MEF2A: variants seen among roughly 807,000 people sequenced by gnomAD.
The protein encoded by MEF2A is myocyte-specific enhancer factor 2A.
MEF2A carries 28 observed loss-of-function variants against 55.8 expected under a neutral mutation model. The ratio of observed to expected loss-of-function variants is 0.50; its 90% CI spans 0.37 to 0.69. MEF2A has a LOEUF of 0.69. MEF2A is among the 30% of genes least tolerant of loss of function. MEF2A has a pLI of 0.00. For missense variants in MEF2A, 528 were observed against 626.2 expected (o/e 0.84, Z 1.67); for synonymous variants, 239 against 227.1 (o/e 1.05, Z -0.47).
At chr15:99,602,566 C>T (rs909442803) in intron 2 of MEF2A, among the ~76,000 whole-genome samples, 2 of 152,098 alleles carry the variant, frequency 1.3e-5, no homozygotes, top group Admixed American at 6.5e-5. Flanking sequence ...CTGCCTTTCA[C>T]TGGCTTGGGC....
At chr15:99,633,491 CTG>C (rs893058495) in intron 3 of MEF2A, among the ~76,000 whole-genome samples, 18 of 152,020 alleles carry the variant, frequency 1.2e-4, no homozygotes, top group Non-Finnish European at 2.1e-4. Context: ...ATATATTTGA[CTG>C]TTAGTCTTTT....
chr15:99,617,308 G>C (rs1311438427), intron 2 of MEF2A, among the ~76,000 whole-genome samples: 1 of 142,830 alleles, frequency 7.0e-6, no homozygotes, highest in Non-Finnish European at 1.5e-5. Context: ...AGGTATCTTT[G>C]CTTTCTATTT....
At chr15:99,601,460 T>C (rs568019866) in intron 2 of MEF2A, among the ~76,000 whole-genome samples, 2 of 152,016 alleles carry the variant, frequency 1.3e-5, no homozygotes, top group Non-Finnish European at 2.9e-5. Context: ...CTTGCCTTGC[T>C]TCTGATCTTA....
chr15:99,648,348 A>G (rs1395323757), intron 4 of MEF2A, among the ~76,000 whole-genome samples: 1 of 152,110 alleles, frequency 6.6e-6, no homozygotes, highest in African/African-American at 2.4e-5. Flanking sequence ...TATTCTTCCT[A>G]CCCATATTTT....
intron 3 of MEF2A, among the ~76,000 whole-genome samples, chr15:99,634,206 T>C (rs1356639686): frequency 6.6e-6 from 1 of 152,084 alleles, no homozygotes; most frequent in African/African-American, 2.4e-5. Flanking sequence ...TAATTGGAGA[T>C]AAAACTCAAC....
At chr15:99,585,802 C>G (rs2152910778) in intron 1 of MEF2A, among the ~76,000 whole-genome samples, 1 of 152,282 alleles carries the variant, frequency 6.6e-6, no homozygotes, top group Non-Finnish European at 1.5e-5. Context: ...TTGGTGTTAA[C>G]TTTGTGAAAT....
At position 99,671,468 on chromosome 15, in the gene MEF2A, C is replaced by T; in HGVS notation, c.390+14C>T. 1 of 1,613,858 alleles carries T rather than the reference C, an allele frequency of 6.2e-7. No individual in the cohort carries two copies. On this transcript the variant is annotated intron_variant, in intron 5 of 11. Coordinates refer to ENST00000557942, the MANE Select transcript of MEF2A (RefSeq NM_001319206.4). ...AAACGAGGCCCTGTAAGTACTTTTA[C>T]TTTACCTCTACTTTTTATTTGTTGA...
intron 8 of MEF2A, among the ~76,000 whole-genome samples, chr15:99,697,803 C>G (rs1384586174): frequency 6.6e-6 from 1 of 152,120 alleles, no homozygotes; most frequent in Non-Finnish European, 1.5e-5. Context: ...TAAAAAAATA[C>G]TACTACTACC....
chr15:99,663,281 TA>T (rs1449153297), intron 4 of MEF2A, among the ~76,000 whole-genome samples: 1 of 152,160 alleles, frequency 6.6e-6, no homozygotes, highest in East Asian at 1.9e-4. Flanking sequence ...TTTAGAAAGA[TA>T]ATCCTGATTT....
intron 1 of MEF2A, among the ~76,000 whole-genome samples, chr15:99,596,175 G>A (rs939176302): frequency 2.0e-5 from 3 of 152,136 alleles, no homozygotes; most frequent in African/African-American, 7.2e-5. Context: ...ATTGAGGAAT[G>A]CATTTTGAGA....
intron 8 of MEF2A, among the ~76,000 whole-genome samples, chr15:99,691,377 A>G (rs922546327): frequency 6.6e-6 from 1 of 152,096 alleles, no homozygotes; most frequent in Non-Finnish European, 1.5e-5. Context: ...TTTCTGTGAG[A>G]GAAGCACTAA....
intron 7 of MEF2A, among the ~76,000 whole-genome samples, chr15:99,683,923 A>G (rs1489134335): frequency 6.6e-6 from 1 of 151,870 alleles, no homozygotes; most frequent in Non-Finnish European, 1.5e-5. Flanking sequence ...GCATCCTCAT[A>G]GCTTAGCTCC....
intron 1 of MEF2A, among the ~76,000 whole-genome samples, chr15:99,586,017 G>A (rs569833991): frequency 6.6e-6 from 1 of 152,044 alleles, no homozygotes; most frequent in Non-Finnish European, 1.5e-5. Flanking sequence ...GTTTGTATCT[G>A]TCAGTAGTTT....
At chr15:99,697,575 A>G (rs956328463) in intron 8 of MEF2A, among the ~76,000 whole-genome samples, 2 of 149,212 alleles carry the variant, frequency 1.3e-5, no homozygotes, top group African/African-American at 5.2e-5. Context: ...GATGAAAGAA[A>G]TGAAAGAAGA....
In MEF2A at chr15:99,712,759, G is replaced by C. The variant is rs774022309; in HGVS notation, c.1506G>C (p.Ala502=). The C allele has an allele frequency of 3.2e-6, 5 of 1,557,030 alleles. No individual in the cohort carries two copies. Among genetic ancestry groups the C allele is most frequent in the Non-Finnish European group, 8.7e-7 (1 of 1,150,048 alleles). ...SPSVKRMRMD[A]WVT The stretch of plus-strand genomic sequence containing the variant: ...CTGTAAAGCGAATGAGGATGGACGC[G>C]TGGGTGACCTAAGGCTTCCAAGCTG... The change falls in exon 12 of 12, where the codon GCG becomes GCC. Residue 502 remains alanine, a synonymous_variant. Coordinates refer to ENST00000557942, the MANE Select transcript of MEF2A (RefSeq NM_001319206.4). The surrounding 1 kb of genome is among the most constrained non-coding windows in gnomAD (Gnocchi z 4.1).
At chr15:99,694,380 G>A (rs1442497751) in intron 8 of MEF2A, among the ~76,000 whole-genome samples, 2 of 152,108 alleles carry the variant, frequency 1.3e-5, no homozygotes, top group Non-Finnish European at 2.9e-5. Flanking sequence ...AAGTATTCCA[G>A]ATTTCAGATT....
intron 2 of MEF2A, among the ~76,000 whole-genome samples, chr15:99,614,764 TG>T (rs1187693742): frequency 1.3e-5 from 2 of 152,100 alleles, no homozygotes; most frequent in Non-Finnish European, 2.9e-5. Context: ...GAGAAGGGCT[TG>T]GGATAAGAGC....
intron 11 of MEF2A, 77 bp downstream of exon 11, chr15:99,710,837 G>T: frequency 1.3e-6 from 2 of 1,500,802 alleles, no homozygotes; most frequent in Non-Finnish European, 1.8e-6. Context: ...ACAGCCTTTT[G>T]CTCTGTTGAG....
intron 1 of MEF2A, among the ~76,000 whole-genome samples, chr15:99,571,908 T>G (rs747031124): frequency 3.3e-5 from 5 of 152,226 alleles, no homozygotes; most frequent in Non-Finnish European, 7.3e-5. Context: ...TCCACTGCTC[T>G]TAGTCTTCGT....
Sources: gnomAD v4.1 joint callset for allele counts (sites outside exome capture counted in the v4.1 genomes callset) on GRCh38, gnomAD v4.1.1 for gene constraint, Gnocchi (gnomAD v3.1) non-coding constraint, MANE v1.5 for transcripts, NCBI Gene and HGNC (gene_info 2026-07-23, HGNC 2026-07-21) for gene names.